KLHL29: variants seen among roughly 807,000 people sequenced by gnomAD.
KLHL29 encodes the protein kelch-like protein 29.
KLHL29 carries 21 observed loss-of-function variants against 80.4 expected under a neutral mutation model. That is an observed-to-expected ratio of 0.26 (90% CI 0.19 to 0.38). The LOEUF is 0.38. Among genes scored for constraint, KLHL29 ranks in the 10% least tolerant of loss-of-function variants. The probability of loss-of-function intolerance (pLI) is 1.00; values close to 1 mark genes in which losing one functional copy is unlikely to be tolerated. For missense variants in KLHL29, 867 were observed against 1,223.9 expected, an observed-to-expected ratio of 0.71 and a Z score of 4.35; for synonymous variants, 511 against 526.8, an observed-to-expected ratio of 0.97 and a Z score of 0.41.
intron 2 of KLHL29, among the ~76,000 whole-genome samples, chr2:23,530,239 C>A (rs562966229): frequency 5.6e-4 from 85 of 152,342 alleles, no homozygotes; most frequent in African/African-American, 1.9e-3. Flanking sequence ...TCTTTATCCT[C>A]TTCTGGCCTT....
chr2:23,622,147 G>A (rs1055844799), intron 3 of KLHL29, among the ~76,000 whole-genome samples: 4 of 152,170 alleles, frequency 2.6e-5, no homozygotes, highest in African/African-American at 9.7e-5. Context: ...GAGGCTCAGA[G>A]ACATTAAATC....
intron 11 of KLHL29, among the ~76,000 whole-genome samples, chr2:23,701,539 C>G (rs1672366218): frequency 3.3e-5 from 5 of 152,130 alleles, no homozygotes; most frequent in Admixed American, 2.0e-4. Flanking sequence ...ATAGGGAGAC[C>G]TCATCTCTAC....
chr2:23,446,851 TCA>T, intron 1 of KLHL29, among the ~76,000 whole-genome samples: 1 of 152,282 alleles, frequency 6.6e-6, no homozygotes, highest in East Asian at 1.9e-4. Flanking sequence ...AGGAAGGGAA[TCA>T]CATAAGACTG....
At chr2:23,492,215 C>T (rs1259351724) in intron 2 of KLHL29, among the ~76,000 whole-genome samples, 1 of 152,242 alleles carries the variant, frequency 6.6e-6, no homozygotes, top group Non-Finnish European at 1.5e-5. Flanking sequence ...CACATGGTCT[C>T]CTCCACCTGG....
chr2:23,408,163 G>T (rs1666776207), intron 1 of KLHL29, among the ~76,000 whole-genome samples: 1 of 143,652 alleles, frequency 7.0e-6, no homozygotes, highest in Non-Finnish European at 1.5e-5. Flanking sequence ...AAATCTGGTA[G>T]TACAAATCAT....
intron 3 of KLHL29, among the ~76,000 whole-genome samples, chr2:23,597,226 T>A (rs915131226): frequency 1.3e-5 from 2 of 151,072 alleles, no homozygotes; most frequent in Non-Finnish European, 2.9e-5. Flanking sequence ...CATTGTTTCC[T>A]CTGGGCCAGG....
At chr2:23,529,276 A>AT (rs1572380886) in intron 2 of KLHL29, among the ~76,000 whole-genome samples, 3 of 151,854 alleles carry the variant, frequency 2.0e-5, no homozygotes, top group Admixed American at 6.6e-5. Flanking sequence ...CACCTGGCTA[A>AT]TTTTTTTCCC....
chr2:23,686,957 G>A (rs1373041314), intron 6 of KLHL29, among the ~76,000 whole-genome samples: 1 of 152,190 alleles, frequency 6.6e-6, no homozygotes, highest in East Asian at 1.9e-4. Flanking sequence ...GTCTTTACAA[G>A]AAGATGGCTT....
chr2:23,640,842 A>G (rs1050255482), intron 4 of KLHL29, among the ~76,000 whole-genome samples: 13 of 151,802 alleles, frequency 8.6e-5, no homozygotes, highest in Admixed American at 6.6e-5. Flanking sequence ...GGTCTATGTG[A>G]CTCCGAGCCT....
At chr2:23,663,412 G>C (rs1029123331) in intron 5 of KLHL29, among the ~76,000 whole-genome samples, 1 of 152,198 alleles carries the variant, frequency 6.6e-6, no homozygotes, top group African/African-American at 2.4e-5. Context: ...GCGTCCACTC[G>C]GGCCGCCCCG....
rs1267509226 is a variant in KLHL29, at chr2:23,642,992, C to T, written c.940+142C>T. The T allele has an allele frequency of 5.1e-6, 5 of 986,664 alleles. No homozygotes were observed. The South Asian group carries it at 5.5e-5, about 11-fold the overall frequency. 61.1% of individuals were successfully genotyped at this position (986,664 alleles called of 1,614,324 possible). On this transcript the variant is annotated intron_variant, in intron 5 of 13. Transcript: ENST00000486442. ...AACCCAGAGGCTGCAGTGGAGCCTC[C>T]ACCTGCCCAAGACAACTGGCCTGAG...
At chr2:23,592,940 T>C (rs1397876894) in intron 3 of KLHL29, among the ~76,000 whole-genome samples, 1 of 152,174 alleles carries the variant, frequency 6.6e-6, no homozygotes, top group Admixed American at 6.5e-5. Flanking sequence ...TTGTAGGTCT[T>C]TAAGACTTTT....
chr2:23,639,767 C>T (rs1386299244), intron 4 of KLHL29, among the ~76,000 whole-genome samples: 1 of 152,110 alleles, frequency 6.6e-6, no homozygotes, highest in Non-Finnish European at 1.5e-5. Context: ...CCCATTGGCC[C>T]CAGAGCGCCC....
intron 2 of KLHL29, among the ~76,000 whole-genome samples, chr2:23,550,758 C>T (rs1667103138): frequency 6.6e-6 from 1 of 152,222 alleles, no homozygotes; most frequent in Non-Finnish European, 1.5e-5. Flanking sequence ...TTCTTTGCAA[C>T]TCTTGCCACT....
At chr2:23,429,824 A>G (rs1572505931) in intron 1 of KLHL29, among the ~76,000 whole-genome samples, 1 of 151,664 alleles carries the variant, frequency 6.6e-6, no homozygotes, top group African/African-American at 2.4e-5. Context: ...CACCTATAAC[A>G]CCCCTTTCCC....
In KLHL29 at chr2:23,647,262, T is replaced by C. The variant is rs369674585; in HGVS notation, c.940+4412T>C. ...ACTCTGACATGTCCAGGGCACATTG[T>C]TCCTTCCACAGCCTCCATAAATATT... On this transcript the variant is annotated intron_variant, in intron 5 of 13. Coordinates refer to ENST00000486442, the MANE Select transcript of KLHL29 (RefSeq NM_052920.2). The surrounding 1 kb of genome is among the most constrained non-coding windows in gnomAD (Gnocchi z 4.9). Among the ~76,000 whole-genome samples, 15 of 152,330 alleles carry C rather than the reference T, an allele frequency of 9.8e-5. No individual in the cohort carries two copies. In the South Asian group the frequency reaches 1.4e-3, roughly 15 times the overall value.
intron 6 of KLHL29, among the ~76,000 whole-genome samples, chr2:23,686,865 C>G (rs1026815293): frequency 6.6e-6 from 1 of 152,150 alleles, no homozygotes; most frequent in African/African-American, 2.4e-5. Context: ...GCCCAGGGTG[C>G]CCTGTGGCTG....
At chr2:23,652,392 C>T (rs1014444359) in intron 5 of KLHL29, among the ~76,000 whole-genome samples, 3 of 152,226 alleles carry the variant, frequency 2.0e-5, no homozygotes, top group East Asian at 1.9e-4. Flanking sequence ...GCTGTCTCTT[C>T]GTGTAACTTC....
chr2:23,704,033 A>C (rs1211777902), intron 13 of KLHL29, among the ~76,000 whole-genome samples, 170 bp downstream of exon 13: 1 of 152,166 alleles, frequency 6.6e-6, no homozygotes, highest in East Asian at 1.9e-4. Context: ...AGTAGGGTGG[A>C]GCCCACGGCA....
Sources: gnomAD v4.1 joint callset for allele counts (sites outside exome capture counted in the v4.1 genomes callset) on GRCh38, gnomAD v4.1.1 for gene constraint, Gnocchi (gnomAD v3.1) non-coding constraint, MANE v1.5 for transcripts, NCBI Gene and HGNC (gene_info 2026-07-23, HGNC 2026-07-21) for gene names.